The following ADAM9 variants were observed in gnomAD, a reference collection of about 807,000 sequenced individuals.
ADAM9 encodes disintegrin and metalloproteinase domain-containing protein 9.
A neutral mutation model predicts 108.1 loss-of-function variants in ADAM9; 54 were observed. The ratio of observed to expected loss-of-function variants is 0.50; its 90% confidence interval spans 0.40 to 0.63. The LOEUF is 0.63. ADAM9 is among the 20% of genes least tolerant of loss of function. The pLI is 0.00. For synonymous variants in ADAM9, 316 were observed against 336.0 expected, an observed-to-expected ratio of 0.94 and a Z score of 0.65; for missense variants, 830 against 997.7, an observed-to-expected ratio of 0.83 and a Z score of 2.26.
intron 9 of ADAM9, among the ~76,000 whole-genome samples, chr8:39,023,913 A>C (rs1836837515): frequency 6.6e-6 from 1 of 151,678 alleles, no homozygotes. Context: ...CACCTGGCTA[A>C]TTTTTGTAGT....
intron 14 of ADAM9, among the ~76,000 whole-genome samples, chr8:39,069,831 A>G (rs1838619285): frequency 6.6e-6 from 1 of 152,204 alleles, no homozygotes; most frequent in African/African-American, 2.4e-5. Flanking sequence ...AATATTCTGG[A>G]TAAGTAACTG....
At chr8:39,070,707 A>G (rs751136101) in intron 14 of ADAM9, among the ~76,000 whole-genome samples, 3 of 151,500 alleles carry the variant, frequency 2.0e-5, no homozygotes, top group African/African-American at 7.3e-5. Context: ...ACAGTAAGCT[A>G]TGAACGTGCC....
chr8:39,005,279 C>CT (rs1301294505), intron 1 of ADAM9, among the ~76,000 whole-genome samples: 1 of 152,106 alleles, frequency 6.6e-6, no homozygotes, highest in Non-Finnish European at 1.5e-5. Context: ...ATTCACAACT[C>CT]TGAGTTCTGT....
chr8:39,000,964 C>T (rs973758228), intron 1 of ADAM9, among the ~76,000 whole-genome samples: 2 of 152,244 alleles, frequency 1.3e-5, no homozygotes, highest in East Asian at 3.9e-4. Flanking sequence ...GGGAATGGGA[C>T]GTTCCCTTTG....
At chr8:39,100,180 T>C (rs889125530) in intron 20 of ADAM9, among the ~76,000 whole-genome samples, 1 of 151,998 alleles carries the variant, frequency 6.6e-6, no homozygotes, top group Admixed American at 6.6e-5. Flanking sequence ...TGTTTTGGTC[T>C]ATGTATACCT....
At chr8:39,018,535 A>C in intron 6 of ADAM9, 1 of 309,636 alleles carries the variant, frequency 3.2e-6, no homozygotes. Context: ...CTGCTTTGTA[A>C]ACTTAAACCC....
At chr8:39,020,157 C>T (rs1250174369) in intron 7 of ADAM9, among the ~76,000 whole-genome samples, 1 of 152,098 alleles carries the variant, frequency 6.6e-6, no homozygotes, top group Non-Finnish European at 1.5e-5. Context: ...TGGTGGCGGG[C>T]GCCTGTGATC....
chr8:39,079,078 A>G (rs1838938681), intron 16 of ADAM9, among the ~76,000 whole-genome samples: 1 of 152,166 alleles, frequency 6.6e-6, no homozygotes, highest in African/African-American at 2.4e-5. Context: ...ATTAGGAAGA[A>G]AGCATGTAAC....
At chr8:38,997,682 G>A (rs1835865503) in intron 1 of ADAM9, among the ~76,000 whole-genome samples, 1 of 152,234 alleles carries the variant, frequency 6.6e-6, no homozygotes, top group African/African-American at 2.4e-5. Context: ...GGTCAACACA[G>A]CTAAATTTAA....
At chr8:39,045,570 G>GTATA (rs146208883) in intron 12 of ADAM9, among the ~76,000 whole-genome samples, 55 of 95,208 alleles carry the variant, frequency 5.8e-4, no homozygotes, top group African/African-American at 1.2e-3. Flanking sequence ...GTGTGTGTGT[G>GTATA]TATATATATA....
Position 39,071,269 on chromosome 8 carries a change from T to C in ADAM9, c.1592-29T>C, listed in dbSNP as rs776513139. 3.1e-6 allele frequency: 5 copies of C among 1,605,668 alleles called. No homozygotes were observed. In the Admixed American group the frequency reaches 6.7e-5, roughly 21 times the overall value. On this transcript the variant is annotated intron_variant, in intron 14 of 21. Coordinates refer to ENST00000487273, the MANE Select transcript of ADAM9 (RefSeq NM_003816.3). ...AAAGCTAAATTGCCATAACTTTTTT[T>C]TTCTTTTTTTAAATGTTTAATGTTA...
intron 4 of ADAM9, 74 bp downstream of exon 4, chr8:39,014,117 A>T (rs886293361): frequency 8.2e-7 from 1 of 1,219,966 alleles, no homozygotes; most frequent in African/African-American, 1.5e-5. Flanking sequence ...CTGTATAGGC[A>T]CTCAGGACTG....
chr8:39,026,560 TC>T (rs1836929308), intron 10 of ADAM9, 116 bp from the exon 11 acceptor site: 5 of 1,275,234 alleles, frequency 3.9e-6, no homozygotes, highest in Non-Finnish European at 5.7e-6. Context: ...GCTTGATTTA[TC>T]ACGTAGGCTG....
chr8:39,098,840 G>A (rs959442389), intron 20 of ADAM9, among the ~76,000 whole-genome samples: 5 of 151,838 alleles, frequency 3.3e-5, no homozygotes, highest in Non-Finnish European at 5.9e-5. Flanking sequence ...ACTTTATATT[G>A]GAAATAAATA....
intron 20 of ADAM9, among the ~76,000 whole-genome samples, chr8:39,100,555 A>G (rs774023487): frequency 6.6e-6 from 1 of 151,790 alleles, no homozygotes; most frequent in Non-Finnish European, 1.5e-5. Context: ...CCACATTGTC[A>G]TTCCAAAAGT....
At chr8:39,020,390 A>T (rs900111691) in intron 7 of ADAM9, among the ~76,000 whole-genome samples, 1 of 151,942 alleles carries the variant, frequency 6.6e-6, no homozygotes, top group Non-Finnish European at 1.5e-5. Flanking sequence ...TATTAAATTA[A>T]TTTTTTTTCT....
chr8:39,098,482 G>A (rs543212983), intron 20 of ADAM9, among the ~76,000 whole-genome samples: 3 of 152,022 alleles, frequency 2.0e-5, no homozygotes, highest in African/African-American at 7.2e-5. Context: ...GATTATATTG[G>A]ATCTACCTTC....
At chr8:39,089,980 A>G in intron 18 of ADAM9, 67 bp from the exon 19 acceptor site, 1 of 1,460,000 alleles carries the variant, frequency 6.8e-7, no homozygotes, top group Non-Finnish European at 9.6e-7. Context: ...TAAAGTGTTT[A>G]TAATCATCTA....
At chr8:39,093,205 C>G (rs1839404911) in intron 20 of ADAM9, among the ~76,000 whole-genome samples, 1 of 152,134 alleles carries the variant, frequency 6.6e-6, no homozygotes, top group Non-Finnish European at 1.5e-5. Flanking sequence ...TTAATATTAA[C>G]TCTTCCAGTC....
Sources: allele counts gnomAD v4.1 joint callset (sites outside exome capture counted in the v4.1 genomes callset), GRCh38; gene constraint gnomAD v4.1.1; transcripts MANE v1.5; gene names NCBI Gene and HGNC (gene_info 2026-07-23, HGNC 2026-07-21).